Variants in SYT1 observed in about 807,000 individuals in gnomAD.
The protein encoded by SYT1 is synaptotagmin 1.
SYT1 carries 8 observed loss-of-function variants against 44.8 expected under a neutral mutation model. That is an observed-to-expected ratio of 0.18 (90% confidence interval 0.10 to 0.32). The LOEUF is 0.32. Among genes scored for constraint, SYT1 ranks in the 10% least tolerant of loss-of-function variants. SYT1 has a pLI of 1.00. For missense variants in SYT1, 286 were observed against 509.3 expected (o/e 0.56, Z 4.22); for synonymous variants, 154 against 188.8 (o/e 0.82, Z 1.51).
At chr12:79,024,997 G>A (rs1337571729) in intron 2 of SYT1, among the ~76,000 whole-genome samples, 1 of 151,776 alleles carries the variant, frequency 6.6e-6, no homozygotes, top group East Asian at 1.9e-4. Flanking sequence ...TATTTAAAAT[G>A]TGCTTATAAG....
chr12:79,151,614 A>G (rs1870278871), intron 3 of SYT1, among the ~76,000 whole-genome samples: 1 of 152,178 alleles, frequency 6.6e-6, no homozygotes, highest in Non-Finnish European at 1.5e-5. Flanking sequence ...GAAGTTGACC[A>G]GGTACAGCCA....
chr12:78,990,375 T>C (rs1171546373), intron 2 of SYT1, among the ~76,000 whole-genome samples: 1 of 152,202 alleles, frequency 6.6e-6, no homozygotes, highest in Non-Finnish European at 1.5e-5. Context: ...AACTCTCCTA[T>C]TATTGTAACT....
intron 3 of SYT1, among the ~76,000 whole-genome samples, chr12:79,171,720 A>G (rs557753411): frequency 6.6e-6 from 1 of 152,072 alleles, no homozygotes; most frequent in East Asian, 1.9e-4. Flanking sequence ...CTGGAGTTGG[A>G]CCACATGGGT....
At position 79,088,989 on chromosome 12, in the gene SYT1, T is replaced by G. The variant is rs557073326; in HGVS notation, c.-18+41627T>G. Among the ~76,000 whole-genome samples the G allele has an allele frequency of 9.2e-5, 14 of 152,076 alleles. No individual in the cohort carries two copies. The South Asian group carries it at 2.1e-3, about 23-fold the overall frequency. ...AGAAAACTGGCTTCAAGAATGAAAA[T>G]TTCCATTTTAGACATGTTAATAATA... On this transcript the variant is annotated intron_variant, in intron 3 of 10. Transcript: ENST00000261205.
intron 9 of SYT1, among the ~76,000 whole-genome samples, chr12:79,411,005 T>C (rs1366065849): frequency 3.3e-5 from 5 of 152,158 alleles, no homozygotes; most frequent in Non-Finnish European, 7.4e-5. Context: ...ACAAACACAA[T>C]TAGTCAGTAT....
intron 8 of SYT1, among the ~76,000 whole-genome samples, chr12:79,346,251 TC>T (rs948956650): frequency 6.6e-6 from 1 of 152,216 alleles, no homozygotes; most frequent in Admixed American, 6.5e-5. Context: ...ATAATGCTTT[TC>T]AAAAAGGAAA....
chr12:79,108,586 T>C (rs1456059619), intron 3 of SYT1, among the ~76,000 whole-genome samples: 1 of 152,104 alleles, frequency 6.6e-6, no homozygotes, highest in African/African-American at 2.4e-5. Flanking sequence ...GAAATGAAAA[T>C]CTCTGATTGC....
chr12:79,040,070 C>T (rs1873436186), intron 2 of SYT1, among the ~76,000 whole-genome samples: 1 of 152,056 alleles, frequency 6.6e-6, no homozygotes, highest in South Asian at 2.1e-4. Flanking sequence ...GTGAGTAATG[C>T]CGCAATAAAC....
chr12:79,096,094 A>C (rs1233451088), intron 3 of SYT1, among the ~76,000 whole-genome samples: 3 of 151,910 alleles, frequency 2.0e-5, no homozygotes, highest in Non-Finnish European at 2.9e-5. Context: ...AAAGTCTCTC[A>C]GGCAATAGCC....
At chr12:78,896,357 A>G (rs571478323) in intron 1 of SYT1, among the ~76,000 whole-genome samples, 1 of 151,820 alleles carries the variant, frequency 6.6e-6, no homozygotes, top group African/African-American at 2.4e-5. Context: ...TGATAAAGAA[A>G]TAACTGGGAA....
At chr12:79,366,894 C>CTGTGTGTGTGTGTGTGTG (rs3995413) in intron 9 of SYT1, among the ~76,000 whole-genome samples, 2 of 117,424 alleles carry the variant, frequency 1.7e-5, no homozygotes, top group Non-Finnish European at 3.5e-5. Context: ...ATAAATAATA[C>CTGTGTGTGTGTGTGTGTG]TGTGTGTGTG....
intron 2 of SYT1, among the ~76,000 whole-genome samples, chr12:79,044,889 G>T (rs1873891224): frequency 6.6e-6 from 1 of 152,156 alleles, no homozygotes. Context: ...ACGCTGCCGT[G>T]TGAGGTGTCA....
intron 3 of SYT1, among the ~76,000 whole-genome samples, chr12:79,188,486 G>T (rs1872927585): frequency 1.3e-5 from 2 of 152,062 alleles, no homozygotes; most frequent in African/African-American, 4.8e-5. Context: ...GACTTAGATT[G>T]TTTTCATTTA....
intron 2 of SYT1, among the ~76,000 whole-genome samples, chr12:79,006,531 A>G (rs1267559924): frequency 6.6e-6 from 1 of 151,182 alleles, no homozygotes; most frequent in Non-Finnish European, 1.5e-5. Flanking sequence ...GGCTTTTCTT[A>G]TCTTTTGGCA....
chr12:79,339,393 T>G (rs1882254379), intron 8 of SYT1, among the ~76,000 whole-genome samples: 1 of 152,248 alleles, frequency 6.6e-6, no homozygotes, highest in African/African-American at 2.4e-5. Flanking sequence ...CTCATTGTGG[T>G]TTTGATTTGC....
chr12:79,379,327 G>A (rs567114197), intron 9 of SYT1, among the ~76,000 whole-genome samples: 16 of 152,186 alleles, frequency 1.1e-4, no homozygotes, highest in South Asian at 8.3e-4. Context: ...AACCTCGGTC[G>A]AAAATATTTC....
intron 9 of SYT1, among the ~76,000 whole-genome samples, chr12:79,373,330 A>G (rs1436097456): frequency 6.6e-6 from 1 of 152,200 alleles, no homozygotes. Flanking sequence ...GTAGGTTTGT[A>G]AGTGTATATA....
chr12:79,269,851 G>T (rs926387058), intron 4 of SYT1, among the ~76,000 whole-genome samples: 4 of 152,120 alleles, frequency 2.6e-5, no homozygotes, highest in African/African-American at 9.7e-5. Flanking sequence ...CTGGGGCCAA[G>T]AATTGGTAGT....
chr12:79,051,378 G>T (rs1565782579), intron 3 of SYT1, among the ~76,000 whole-genome samples: 1 of 149,140 alleles, frequency 6.7e-6, no homozygotes, highest in African/African-American at 2.5e-5. Context: ...ATTTATATAG[G>T]TATTTATTTA....
Sources: allele counts gnomAD v4.1 joint callset (sites outside exome capture counted in the v4.1 genomes callset), GRCh38; gene constraint gnomAD v4.1.1; transcripts MANE v1.5; gene names NCBI Gene and HGNC (gene_info 2026-07-23, HGNC 2026-07-21).